The following TTLL3 variants were observed in gnomAD, a reference collection of about 807,000 sequenced individuals.
TTLL3 encodes tubulin tyrosine ligase like 3.
Under a neutral mutation model 75.2 loss-of-function variants are expected in TTLL3, and 63 were observed. The ratio of observed to expected loss-of-function variants is 0.84; its 90% CI spans 0.68 to 1.03. TTLL3 has a LOEUF of 1.03. Ranked by LOEUF, TTLL3 falls within the 50% of genes least tolerant of loss-of-function variation. The pLI, the probability that TTLL3 is intolerant of heterozygous loss-of-function variation, is 0.00. For synonymous variants in TTLL3, 393 were observed against 418.5 expected (o/e 0.94, Z 0.74); for missense variants, 997 against 1,069.9 (o/e 0.93, Z 0.95).
At chr3:9,812,182 G>A (rs1051361218) in intron 2 of TTLL3, among the ~76,000 whole-genome samples, 1 of 152,106 alleles carries the variant, frequency 6.6e-6, no homozygotes, top group African/African-American at 2.4e-5. Flanking sequence ...AGACCAGCCT[G>A]GCCAACACAG....
chr3:9,810,353 GC>G lies in TTLL3; in HGVS notation c.-77del. 1.4e-6 allele frequency: 2 copies of G among 1,409,338 alleles called. No homozygotes were observed. Among genetic ancestry groups the G allele is most frequent in the Admixed American group, 3.1e-5 (1 of 32,148 alleles). The allele number at this position is 1,409,338 out of a possible 1,614,324, so 87.3% of individuals were successfully genotyped here. On this transcript the variant is annotated 5_prime_UTR_variant, in exon 1 of 14. Transcript: ENST00000685419. The surrounding 1 kb of genome is among the most constrained non-coding windows in gnomAD (Gnocchi z 4.4). ...GGCGCCTCGGATACCCACCCCCTCG[GC>G]CCCCCGCACACCCCGGTCCTCGACC...
Position 9,835,200 on chromosome 3 carries a change from A to G in TTLL3, c.2159A>G (p.Lys720Arg). 1.9e-6 allele frequency: 3 copies of G among 1,614,194 alleles called. No homozygotes were observed. The highest frequency in any genetic ancestry group is 2.5e-6 in the Non-Finnish European group (3 of 1,180,022). Residue 720 changes from lysine to arginine, a missense_variant, in exon 14 of 14, where the codon AAG becomes AGG. Coordinates refer to ENST00000685419, the MANE Select transcript of TTLL3 (RefSeq NM_001387446.1). Reference sequence around the variant, plus strand: ...GCACCTGTCGGAAGGTCAAGGCCAAAGGCAAATTCAAGGCCAGACTGTGAC... The same window carrying G: ...GCACCTGTCGGAAGGTCAAGGCCAAGGGCAAATTCAAGGCCAGACTGTGAC... ...FLAPVGRSRP[K>R]ANSRPDCDKP...
At chr3:9,819,635 C>A in intron 7 of TTLL3, 1 of 985,658 alleles carries the variant, frequency 1.0e-6, no homozygotes, top group Non-Finnish European at 1.2e-6. Flanking sequence ...GCATGCCAAC[C>A]CAACCACTGC....
At position 9,834,691 on chromosome 3, in the gene TTLL3, C is replaced by T. The variant is rs769284225; in HGVS notation, c.1836C>T (p.His612=). 3.7e-6 allele frequency: 6 copies of T among 1,614,170 alleles called. No individual in the cohort carries two copies. The highest frequency in any genetic ancestry group is 1.3e-5 in the African/African-American group (1 of 75,064). The change falls in exon 13 of 14, where the codon CAC becomes CAT. Residue 612 remains histidine (H), a synonymous_variant. Transcript: ENST00000685419. ...TQRGSGEARH[H]FPSLHTKAQL... ...CTCTTGCTCCCACAGCCCGTCACCA[C>T]TTCCCCAGCCTCCACACCAAGGCCC...
At chr3:9,817,220 C>G (rs975061909) in intron 5 of TTLL3, among the ~76,000 whole-genome samples, 2 of 152,024 alleles carry the variant, frequency 1.3e-5, no homozygotes, top group African/African-American at 4.8e-5. Context: ...GTCAGGAGAT[C>G]GAGACCATCC....
rs376918116 is a variant in TTLL3 at position 9,831,013 on chromosome 3, G to T, written c.1683+1618G>T. ...AGATGGGGTTTCACCATGTTAGCCA[G>T]GATGGTCTCGATCTCCTGACCTCGT... is the stretch of plus-strand genomic sequence containing the variant. On this transcript the variant is annotated intron_variant, in intron 11 of 13. Coordinates refer to ENST00000685419, the MANE Select transcript of TTLL3 (RefSeq NM_001387446.1). Among the ~76,000 whole-genome samples the T allele has an allele frequency of 1.4e-4, 21 of 152,280 alleles. 1 individual carries two copies. The highest frequency in any genetic ancestry group is 5.1e-4 in the African/African-American group (21 of 41,548).
Position 9,833,220 on chromosome 3 carries a change from G to A in TTLL3, c.1800G>A (p.Leu600=). 1.2e-6 allele frequency: 2 copies of A among 1,614,076 alleles called. No individual in the cohort carries two copies. The highest frequency in any genetic ancestry group is 4.5e-5 in the East Asian group (2 of 44,878). ...TGGGGGTCCGCCCAGCAGTCCCTCTGCTGACCCAGCGAGGCTCTGGGGAAG... is the reference window on the plus strand; with the variant it reads ...TGGGGGTCCGCCCAGCAGTCCCTCTACTGACCCAGCGAGGCTCTGGGGAAG... The part of the protein sequence containing the change: ...RRMGVRPAVP[L]LTQRGSGEAR... The change falls in exon 12 of 14, where the codon CTG becomes CTA. Residue 600 remains leucine, a synonymous_variant. Transcript: ENST00000685419.
Position 9,835,449 on chromosome 3 carries a change from G to A in TTLL3, c.2408G>A (p.Gly803Glu). The change falls in exon 14 of 14, where the codon GGG (glycine) becomes GAG (glutamate). Residue 803 changes from glycine (G) to glutamate (E), a missense_variant. Transcript: ENST00000685419. ...GCTGTTGGAGGGTCAAGAGTGGATG[G>A]GGCGAGGCCGTGTACCCCAGGGTCC... ...SIAVGGSRVD[G>E]ARPCTPGSTA... 6.2e-7 allele frequency: 1 copy of A among 1,610,478 alleles called. No homozygotes were observed. Among genetic ancestry groups the A allele is most frequent in the Non-Finnish European group, 8.5e-7 (1 of 1,179,086 alleles).
chr3:9,810,627 C>G lies in TTLL3; in HGVS notation c.-35C>G, dbSNP rs184010385. ...ATTCCGCATCTTTCTGCAGGTTTCC[C>G]GGTCCTCTGGCGAGGATCCTCCAAG... On this transcript the variant is annotated 5_prime_UTR_variant, in exon 2 of 14. Transcript: ENST00000685419. This position sits in a 1 kb window ranked among gnomAD's most constrained non-coding sequence, Gnocchi z 4.4. 2.6e-6 allele frequency: 4 copies of G among 1,566,410 alleles called. No individual in the cohort carries two copies. Among genetic ancestry groups the G allele is most frequent in the East Asian group, 2.3e-5 (1 of 43,036 alleles).
At chr3:9,830,063 G>C (rs1309287970) in intron 11 of TTLL3, among the ~76,000 whole-genome samples, 1 of 152,048 alleles carries the variant, frequency 6.6e-6, no homozygotes, top group African/African-American at 2.4e-5. Context: ...GGCTGGTCTC[G>C]AGCTCCTGAC....
intron 10 of TTLL3, chr3:9,827,442 A>T: frequency 1.1e-6 from 1 of 935,724 alleles, no homozygotes; most frequent in Non-Finnish European, 1.5e-6. Context: ...TCACTCTGTT[A>T]CCTAGGCTGG....
At chr3:9,818,697 T>C (rs2080124591) in intron 6 of TTLL3, 125 bp from the exon 7 acceptor site, 1 of 1,558,680 alleles carries the variant, frequency 6.4e-7, no homozygotes. Context: ...AAACTCAGGC[T>C]CTAGAGTCAG....
intron 6 of TTLL3, 97 bp downstream of exon 6, chr3:9,817,856 C>G: frequency 6.8e-7 from 1 of 1,464,810 alleles, no homozygotes; most frequent in Non-Finnish European, 9.3e-7. Context: ...CTCTTCATGC[C>G]CTCATCTGCC....
chr3:9,832,080 ATTTTTT>A (rs34646268), intron 11 of TTLL3, among the ~76,000 whole-genome samples: 3 of 84,806 alleles, frequency 3.5e-5, no homozygotes, highest in Admixed American at 3.3e-4. Flanking sequence ...CAATAGCTGC[ATTTTTT>A]TTTTTTTTTT....
Position 9,827,201 on chromosome 3 carries a change from G to T in TTLL3, c.1208G>T (p.Arg403Leu). ...TVWFYRDSYI[R>L]FSTQPFSLKN... ...TGGTTCTACCGCGACAGCTATATCC[G>T]CTTTTCCACGCAGCCCTTCTCCCTG... is the stretch of plus-strand genomic sequence containing the variant. Residue 403 changes from arginine (R) to leucine (L), a missense_variant, in exon 10 of 14, where the codon CGC becomes CTC. By Grantham distance (102) the Arg-to-Leu change is moderately radical. Transcript: ENST00000685419. 1 of 1,614,188 alleles carries T rather than the reference G, an allele frequency of 6.2e-7. No individual in the cohort carries two copies.
chr3:9,825,813 C>G lies in TTLL3; in HGVS notation c.868C>G (p.Leu290Val), dbSNP rs371686351. Residue 290 changes from leucine (L) to valine (V), a missense_variant, in exon 9 of 14, where the codon CTC becomes GTC. By Grantham distance (32) the Leu-to-Val change is conservative (BLOSUM62 1). Coordinates refer to ENST00000685419, the MANE Select transcript of TTLL3 (RefSeq NM_001387446.1). ...ATTTCCCCACAGCGAAGGGGCAGAA[C>G]TCAGGCACCTCGACACTCAGGTCCA... The part of the protein sequence containing the change: ...YYQVVHEGAE[L>V]RHLDTQVQRC... 6.8e-6 allele frequency: 11 copies of G among 1,614,060 alleles called. No homozygotes were observed. Among genetic ancestry groups the G allele is most frequent in the Non-Finnish European group, 9.3e-6 (11 of 1,180,032 alleles).
At chr3:9,819,067 T>G in intron 7 of TTLL3, 147 bp downstream of exon 7, 1 of 1,030,460 alleles carries the variant, frequency 9.7e-7, no homozygotes, top group Non-Finnish European at 1.4e-6. Flanking sequence ...TACCCATCTA[T>G]CCATCCATCC....
chr3:9,810,179 G>A, upstream of TTLL3: 4 of 1,469,680 alleles, frequency 2.7e-6, no homozygotes, highest in Non-Finnish European at 3.6e-6. This position sits in a 1 kb window ranked among gnomAD's most constrained non-coding sequence, Gnocchi z 4.4. Flanking sequence ...TCCGAGTTCC[G>A]TCCACCCAGG....
Position 9,834,784 on chromosome 3 carries a change from G to A in TTLL3, c.1929G>A (p.Val643=). 1 of 1,614,222 alleles carries A rather than the reference G, an allele frequency of 6.2e-7. No individual in the cohort carries two copies. The highest frequency in any genetic ancestry group is 8.5e-7 in the Non-Finnish European group (1 of 1,180,048). The part of the protein sequence containing the change: ...QVLRRQHSKL[V]GTKALSTTGK... ...TCAGACGACAGCACAGCAAGCTGGTGGGCACTAAGGCCCTGTCGACCACAG... is the reference window on the plus strand; with the variant it reads ...TCAGACGACAGCACAGCAAGCTGGTAGGCACTAAGGCCCTGTCGACCACAG... The change falls in exon 13 of 14, where the codon GTG becomes GTA. Residue 643 remains valine, a synonymous_variant. Transcript: ENST00000685419.
Sources: gnomAD v4.1 joint callset for allele counts (sites outside exome capture counted in the v4.1 genomes callset) on GRCh38, gnomAD v4.1.1 for gene constraint, Gnocchi (gnomAD v3.1) non-coding constraint, MANE v1.5 for transcripts, NCBI Gene and HGNC (gene_info 2026-07-23, HGNC 2026-07-21) for gene names.